ELFN2: variants seen among roughly 807,000 people sequenced by gnomAD.
ELFN2 encodes protein phosphatase 1 regulatory subunit 29.
A neutral mutation model predicts 45.5 loss-of-function variants in ELFN2; 17 were observed. The observed-to-expected ratio is 0.37, with a 90% CI of 0.26 to 0.56. The LOEUF (loss-of-function observed/expected upper bound fraction) is 0.56, where lower values mean the gene tolerates loss of function less well. Among genes scored for constraint, ELFN2 ranks in the 20% least tolerant of loss-of-function variants. The pLI is 0.77. For synonymous variants in ELFN2, 550 were observed against 551.5 expected, an observed-to-expected ratio of 1.00 and a Z score of 0.04; for missense variants, 922 against 1,183.2, an observed-to-expected ratio of 0.78 and a Z score of 3.24.
At position 37,374,378 on chromosome 22, in the gene ELFN2, T is replaced by G; in HGVS notation, c.1157A>C (p.Asp386Ala). ...GGTGGTGGAGGTGCTGGGCGCCAAGTCTCCGGGGACGGGGTCCCGCGTGGT... is the reference window on the plus strand; with the variant it reads ...GGTGGTGGAGGTGCTGGGCGCCAAGGCTCCGGGGACGGGGTCCCGCGTGGT... Reference protein sequence around the residue: ...TFTTRDPVPGDLAPSTSTTTH... With the variant: ...TFTTRDPVPGALAPSTSTTTH... Residue 386 changes from aspartate (D) to alanine (A), a missense_variant, in exon 3 of 3, where the codon GAC (aspartate) becomes GCC (alanine). Around this residue, in one of 2 missense-constraint regions of ELFN2, gnomAD observed 564 missense variants for 642.8 expected, o/e 0.88. Coordinates refer to ENST00000402918, the MANE Select transcript of ELFN2 (RefSeq NM_052906.5). 4.3e-6 allele frequency: 7 copies of G among 1,613,924 alleles called. No homozygotes were observed. The highest frequency in any genetic ancestry group is 5.9e-6 in the Non-Finnish European group (7 of 1,179,938).
chr22:37,375,473 C>T lies in ELFN2; in HGVS notation c.62G>A (p.Arg21His), dbSNP rs368781861. The change falls in exon 3 of 3, where the codon CGT (arginine) becomes CAT (histidine). Residue 21 changes from arginine to histidine, a missense_variant. Transcript: ENST00000402918. The part of the protein sequence containing the change: ...LLCVCRPGAV[R>H]ADCWLIEGDK... ...GCCCTCAATGAGCCAGCAGTCGGCA[C>T]GCACGGCACCCGGCCGGCACACGCA... 9.7e-5 allele frequency: 156 copies of T among 1,604,254 alleles called. 1 individual carries two copies. The Middle Eastern group carries it at 1.0e-3, about 11-fold the overall frequency.
intron 2 of ELFN2, among the ~76,000 whole-genome samples, chr22:37,382,831 C>T (rs554523358): frequency 1.2e-4 from 19 of 152,186 alleles, no homozygotes; most frequent in Non-Finnish European, 2.2e-4. Context: ...GGATTACACC[C>T]AGCCACCGTA....
chr22:37,364,710 C>T (rs573830249), downstream of ELFN2, among the ~76,000 whole-genome samples: 33 of 152,330 alleles, frequency 2.2e-4, no homozygotes, highest in African/African-American at 7.7e-4. Flanking sequence ...CATAACAATC[C>T]AGGCCAAATC....
intron 1 of ELFN2, among the ~76,000 whole-genome samples, chr22:37,419,866 T>A (rs1414362034): frequency 1.3e-5 from 2 of 152,056 alleles, no homozygotes; most frequent in East Asian, 1.9e-4. Context: ...ACTCGCCGGG[T>A]CCTGGCTCCG....
At chr22:37,344,286 T>C in intron 1 of ELFN2, among the ~76,000 whole-genome samples, 1 of 145,396 alleles carries the variant, frequency 6.9e-6, no homozygotes, top group Non-Finnish European at 1.5e-5. Flanking sequence ...CCACCAACCC[T>C]CCCACAGCCC....
At chr22:37,413,403 CA>C (rs3041591) in intron 2 of ELFN2, among the ~76,000 whole-genome samples, 168 of 137,174 alleles carry the variant, frequency 1.2e-3, no homozygotes, top group Admixed American at 1.6e-3. Context: ...CCCGTCTCTA[CA>C]AAAAAAAAAA....
Position 37,373,568 on chromosome 22 carries a change from A to T in ELFN2, c.1967T>A (p.Leu656Gln). ...DVPDHPAATG[L>Q]AKGDSKYIEK... ...GATGTACTTGGAGTCGCCCTTAGCC[A>T]GCCCTGTGGCGGCCGGATGGTCGGG... The change falls in exon 3 of 3, where the codon CTG becomes CAG. Residue 656 changes from leucine to glutamine, a missense_variant. Leu to Gln is a moderately radical substitution (Grantham distance 113, BLOSUM62 -2). Coordinates refer to ENST00000402918, the MANE Select transcript of ELFN2 (RefSeq NM_052906.5). 1 of 1,605,068 alleles carries T rather than the reference A, an allele frequency of 6.2e-7. No individual in the cohort carries two copies. Among genetic ancestry groups the T allele is most frequent in the Non-Finnish European group, 8.5e-7 (1 of 1,177,028 alleles).
chr22:37,342,796 G>GT (rs1290393232), intron 1 of ELFN2: 1 of 151,672 alleles, frequency 6.6e-6, no homozygotes, highest in Non-Finnish European at 1.5e-5. Context: ...CAAGGTGTGG[G>GT]TGGGGGGGTG....
chr22:37,375,664 G>C lies in ELFN2; in HGVS notation c.-130C>G. 5 of 1,078,322 alleles carry C rather than the reference G, an allele frequency of 4.6e-6. No individual in the cohort carries two copies. Among genetic ancestry groups the C allele is most frequent in the Non-Finnish European group, 5.2e-6 (4 of 762,004 alleles). The allele number at this position is 1,078,322 out of a possible 1,614,324, so 66.8% of individuals were successfully genotyped here. A position where few individuals can be genotyped will look rare whatever the true frequency, so the allele number is the denominator to read the frequency against. On this transcript the variant is annotated 5_prime_UTR_variant, in exon 3 of 3. Transcript: ENST00000402918. ...GGCGACCCCCAGCACGGGGGCCCCA[G>C]GCAAGGTGGGTACAGCTAGTGCCAA...
At chr22:37,409,453 C>G (rs1392857902) in intron 2 of ELFN2, among the ~76,000 whole-genome samples, 7 of 152,164 alleles carry the variant, frequency 4.6e-5, no homozygotes, top group Admixed American at 3.9e-4. Context: ...CCTGGACCCC[C>G]ACACCCTACC....
intron 2 of ELFN2, among the ~76,000 whole-genome samples, chr22:37,400,037 C>G (rs1003004952): frequency 2.0e-5 from 3 of 152,298 alleles, no homozygotes; most frequent in Admixed American, 6.5e-5. Flanking sequence ...GCAACCACCC[C>G]CTCCCTGCCT....
chr22:37,373,503 G>A lies in ELFN2; in HGVS notation c.2032C>T (p.Pro678Ser), dbSNP rs753471829. 3 of 1,554,592 alleles carry A rather than the reference G, an allele frequency of 1.9e-6. No homozygotes were observed. Among genetic ancestry groups the A allele is most frequent in the South Asian group, 1.2e-5 (1 of 85,330 alleles). The change falls in exon 3 of 3, where the codon CCG (proline) becomes TCG (serine). Residue 678 changes from proline (P) to serine (S), a missense_variant. Physicochemically the swap from Pro to Ser is moderately conservative, Grantham distance 74. Transcript: ENST00000402918. ...SPLNSPLDRL[P>S]LVPAGSGGGS... ...CCGCCGCTGCCCGCCGGCACCAGCG[G>A]GAGCCGGTCCAGCGGGCTGTTGAGG...
chr22:37,400,638 C>T (rs867002786), intron 2 of ELFN2, among the ~76,000 whole-genome samples: 5 of 152,220 alleles, frequency 3.3e-5, no homozygotes, highest in South Asian at 2.1e-4. Flanking sequence ...TCGGTGGGCA[C>T]GCCTGCTGGG....
At chr22:37,414,768 C>A (rs1055766137) in intron 2 of ELFN2, among the ~76,000 whole-genome samples, 7 of 152,196 alleles carry the variant, frequency 4.6e-5, no homozygotes, top group African/African-American at 1.4e-4. Flanking sequence ...GTCTCACTTA[C>A]AAAGGGCACT....
rs1387776199 is a variant in ELFN2, at chr22:37,372,651, C to T, written c.*421G>A. 1.2e-5 allele frequency: 2 copies of T among 160,748 alleles called. No individual in the cohort carries two copies. Among genetic ancestry groups the T allele is most frequent in the Non-Finnish European group, 2.7e-5 (2 of 74,312 alleles). The allele number at this position is 160,748 out of a possible 1,614,324, so 10.0% of individuals were successfully genotyped here. A position where few individuals can be genotyped will look rare whatever the true frequency, so the allele number is the denominator to read the frequency against. On this transcript the variant is annotated 3_prime_UTR_variant, in exon 3 of 3. Coordinates refer to ENST00000402918, the MANE Select transcript of ELFN2 (RefSeq NM_052906.5). This position sits in a 1 kb window ranked among gnomAD's most constrained non-coding sequence, Gnocchi z 4.4. ...GCTTGGGAAGGGACCCTCTCCCTGC[C>T]CTAGAGGGGCTTCAGTCCCTCTCTA...
At chr22:37,395,575 G>C (rs1041813247) in intron 2 of ELFN2, among the ~76,000 whole-genome samples, 3 of 152,182 alleles carry the variant, frequency 2.0e-5, no homozygotes, top group African/African-American at 7.2e-5. Context: ...ACTCTAGGGA[G>C]AGAGGCACCC....
At chr22:37,367,953 G>C (rs184498936), downstream of ELFN2, 29 of 152,688 alleles carry the variant, frequency 1.9e-4, no homozygotes, top group Admixed American at 1.7e-3. Context: ...CATAGACCAT[G>C]GCCCCGTAGC....
intron 2 of ELFN2, among the ~76,000 whole-genome samples, chr22:37,404,211 T>G (rs945236782): frequency 2.6e-5 from 4 of 151,790 alleles, no homozygotes; most frequent in Non-Finnish European, 5.9e-5. Context: ...AGTGACATGC[T>G]GGGGGGGTGA....
At position 37,374,220 on chromosome 22, in the gene ELFN2, G is replaced by A; in HGVS notation, c.1315C>T (p.Leu439=). ...ACATCAGCCCCGTAGCGCATCTCCA[G>A]GATGGTCTTCTTGACGTTGACAGAC... The part of the protein sequence containing the change: ...QKSVNVKKTI[L]EMRYGADVDA... The change falls in exon 3 of 3, where the codon CTG becomes TTG. Residue 439 remains leucine (L), a synonymous_variant. Transcript: ENST00000402918. 1 of 1,613,904 alleles carries A rather than the reference G, an allele frequency of 6.2e-7. No individual in the cohort carries two copies. The highest frequency in any genetic ancestry group is 1.1e-5 in the South Asian group (1 of 91,082).
Sources: gnomAD v4.1 joint callset for allele counts (sites outside exome capture counted in the v4.1 genomes callset) on GRCh38, gnomAD v4.1.1 for gene constraint, gnomAD v4.1.1 regional missense constraint, Gnocchi (gnomAD v3.1) non-coding constraint, MANE v1.5 for transcripts, NCBI Gene and HGNC (gene_info 2026-07-23, HGNC 2026-07-21) for gene names.